The following RABGAP1 variants were observed in gnomAD, a reference collection of about 807,000 sequenced individuals.
RABGAP1 encodes the protein rab GTPase-activating protein 1.
In RABGAP1, 23 loss-of-function variants were observed where a neutral mutation model predicts 137.6. The ratio of observed to expected loss-of-function variants is 0.17; its 90% confidence interval spans 0.12 to 0.24. The LOEUF is 0.24. RABGAP1 is among the 10% of genes least tolerant of loss of function. The probability of loss-of-function intolerance (pLI) is 1.00; values close to 1 mark genes in which losing one functional copy is unlikely to be tolerated. For missense variants in RABGAP1, 906 were observed against 1,275.8 expected (o/e 0.71, Z 4.42); for synonymous variants, 451 against 450.7 (o/e 1.00, Z -0.01).
chr9:123,024,690 G>A (rs1389512132), intron 13 of RABGAP1, among the ~76,000 whole-genome samples: 4 of 151,900 alleles, frequency 2.6e-5, no homozygotes, highest in South Asian at 2.1e-4. Flanking sequence ...CTCCCACCTC[G>A]GCCTCCCAAA....
intron 13 of RABGAP1, chr9:123,034,888 G>C: frequency 6.2e-7 from 1 of 1,613,860 alleles, no homozygotes. Context: ...ATTTGGTTTT[G>C]TAGTATCAGT....
chr9:122,972,783 G>C (rs766391957), intron 2 of RABGAP1, among the ~76,000 whole-genome samples: 130 of 152,056 alleles, frequency 8.5e-4, no homozygotes, highest in Non-Finnish European at 1.2e-3. Flanking sequence ...CTTGGAGTTG[G>C]TAATGCTTTA....
At chr9:123,020,976 A>G (rs2031591084) in intron 13 of RABGAP1, 1 of 756,830 alleles carries the variant, frequency 1.3e-6, no homozygotes, top group African/African-American at 1.9e-5. Context: ...TGCAAGCAAA[A>G]CAAGAAAAAC....
chr9:123,035,190 C>T, intron 13 of RABGAP1: 1 of 1,614,132 alleles, frequency 6.2e-7, no homozygotes, highest in Non-Finnish European at 8.5e-7. Flanking sequence ...TTATTGTCTG[C>T]TTCACCTATT....
chr9:122,972,609 T>C (rs1168835595), intron 2 of RABGAP1, among the ~76,000 whole-genome samples: 1 of 152,170 alleles, frequency 6.6e-6, no homozygotes, highest in African/African-American at 2.4e-5. Flanking sequence ...TTTGGGTAAA[T>C]AGGCTATATC....
intron 10 of RABGAP1, among the ~76,000 whole-genome samples, 164 bp downstream of exon 10, chr9:122,998,930 T>G (rs1217150390): frequency 1.3e-5 from 2 of 152,210 alleles, no homozygotes; most frequent in African/African-American, 4.8e-5. Context: ...GTCATTTTTA[T>G]TGCTCTTCGT....
At chr9:123,001,936 G>A (rs1229689674) in intron 10 of RABGAP1, among the ~76,000 whole-genome samples, 1 of 152,178 alleles carries the variant, frequency 6.6e-6, no homozygotes. Context: ...TTTAGATGGA[G>A]GGTGAGCCCC....
At chr9:123,066,389 T>C (rs2034173483) in intron 14 of RABGAP1, among the ~76,000 whole-genome samples, 1 of 152,236 alleles carries the variant, frequency 6.6e-6, no homozygotes, top group African/African-American at 2.4e-5. Context: ...TCTCTCACTT[T>C]ACTACAGAAT....
intron 6 of RABGAP1, among the ~76,000 whole-genome samples, chr9:122,995,722 T>C (rs1221528071): frequency 2.0e-5 from 3 of 151,928 alleles, no homozygotes; most frequent in African/African-American, 7.3e-5. Context: ...GCATGTGCCA[T>C]CACACCCAGC....
intron 1 of RABGAP1, among the ~76,000 whole-genome samples, chr9:122,945,146 G>GTTTTTTTTTTTTTTTTTTTTTTTTT: frequency 1.1e-4 from 1 of 9,182 alleles, no homozygotes; most frequent in South Asian, 0.015. Flanking sequence ...CATAGCTGTT[G>GTTTTTTTTTTTTTTTTTTTTTTTTT]CTTTTTTTTT....
chr9:123,015,900 A>G (rs987420472), intron 12 of RABGAP1, among the ~76,000 whole-genome samples: 7 of 152,208 alleles, frequency 4.6e-5, no homozygotes, highest in African/African-American at 1.7e-4. Context: ...TAAGAAAAGT[A>G]TCTTTTATGT....
At chr9:123,102,486 G>A (rs372032972) in intron 25 of RABGAP1, among the ~76,000 whole-genome samples, 5 of 152,276 alleles carry the variant, frequency 3.3e-5, no homozygotes, top group African/African-American at 9.6e-5. Flanking sequence ...GCTAAGGCCT[G>A]GTAGTGTGAC....
chr9:122,995,326 A>T (rs1019367882), intron 6 of RABGAP1, among the ~76,000 whole-genome samples: 3 of 152,162 alleles, frequency 2.0e-5, no homozygotes, highest in African/African-American at 7.2e-5. Context: ...AAGATCTATG[A>T]TTAAGTATCT....
intron 13 of RABGAP1, among the ~76,000 whole-genome samples, chr9:123,058,024 G>A (rs1196905093): frequency 1.3e-5 from 2 of 150,160 alleles, no homozygotes; most frequent in Admixed American, 6.6e-5. Context: ...CCTCGGCTCG[G>A]CATCAGAGGG....
rs138325972 is a variant in RABGAP1 at position 122,999,209 on chromosome 9, C to T, written c.1374+443C>T. 5.9e-3 allele frequency among the ~76,000 whole-genome samples: 891 copies of T among 151,958 alleles called. 3 individuals carry two copies. The highest frequency in any genetic ancestry group is 8.9e-3 in the Non-Finnish European group (605 of 67,996). On this transcript the variant is annotated intron_variant, in intron 10 of 25. Coordinates refer to ENST00000373647, the MANE Select transcript of RABGAP1 (RefSeq NM_012197.4). The stretch of plus-strand genomic sequence containing the variant: ...TGTTTGTTTGTTTTTGAGATGAAGT[C>T]TCGCTCTGTCACCACCCAGGCTGGA...
chr9:122,948,609 G>C (rs549549699), intron 1 of RABGAP1, among the ~76,000 whole-genome samples: 105 of 152,246 alleles, frequency 6.9e-4, no homozygotes, highest in Non-Finnish European at 1.2e-3. Flanking sequence ...TAGTCATCTT[G>C]CTTAAGATTC....
chr9:123,072,859 C>T (rs1009676242), intron 15 of RABGAP1, among the ~76,000 whole-genome samples: 4 of 152,196 alleles, frequency 2.6e-5, no homozygotes, highest in African/African-American at 9.7e-5. Flanking sequence ...ACATTCACAC[C>T]AATCCTTAAA....
At chr9:123,011,903 C>G (rs2030841517) in intron 11 of RABGAP1, among the ~76,000 whole-genome samples, 1 of 152,164 alleles carries the variant, frequency 6.6e-6, no homozygotes, top group Admixed American at 6.5e-5. Flanking sequence ...TGCAGTGAGC[C>G]AAGGCTGCGC....
intron 24 of RABGAP1, among the ~76,000 whole-genome samples, chr9:123,099,897 C>T (rs2035290199): frequency 6.6e-6 from 1 of 152,236 alleles, no homozygotes. Context: ...AGGTCAGAAT[C>T]ATGTGCTGTG....
Sources: allele counts gnomAD v4.1 joint callset (sites outside exome capture counted in the v4.1 genomes callset), GRCh38; gene constraint gnomAD v4.1.1; transcripts MANE v1.5; gene names NCBI Gene and HGNC (gene_info 2026-07-23, HGNC 2026-07-21).